SHQ1: variants seen among roughly 807,000 people sequenced by gnomAD.
SHQ1 encodes SHQ1, H/ACA ribonucleoprotein assembly factor, also known as protein SHQ1 homolog.
Under a neutral mutation model 53.8 loss-of-function variants are expected in SHQ1, and 49 were observed. The observed-to-expected ratio is 0.91, with a 90% confidence interval of 0.72 to 1.16. The LOEUF (loss-of-function observed/expected upper bound fraction) is 1.16, where lower values mean the gene tolerates loss of function less well. Among genes scored for constraint, SHQ1 ranks in the 50% most tolerant of loss-of-function variants. SHQ1 has a pLI of 0.00. For synonymous variants in SHQ1, 243 were observed against 251.0 expected (o/e 0.97, Z 0.30); for missense variants, 738 against 683.1 (o/e 1.08, Z -0.90).
chr3:72,841,823 C>A (rs962257308), intron 3 of SHQ1, among the ~76,000 whole-genome samples: 3 of 152,202 alleles, frequency 2.0e-5, no homozygotes, highest in African/African-American at 7.2e-5. Context: ...GCACAGTTCA[C>A]AGTAAGTTCA....
chr3:72,737,484 A>G, the SHQ1 span, among the ~76,000 whole-genome samples: 1 of 152,016 alleles, frequency 6.6e-6, no homozygotes, highest in African/African-American at 2.4e-5. Context: ...AAGAAAAAGA[A>G]GATTTTTACA....
chr3:72,778,753 C>G (rs1393676828), intron 10 of SHQ1, among the ~76,000 whole-genome samples: 2 of 152,056 alleles, frequency 1.3e-5, no homozygotes, highest in Non-Finnish European at 1.5e-5. Flanking sequence ...GGCCATTATC[C>G]AGAATTATGA....
At chr3:72,844,523 A>G in intron 1 of SHQ1, 100 bp from the exon 2 acceptor site, 1 of 894,190 alleles carries the variant, frequency 1.1e-6, no homozygotes. Context: ...TATATCAATC[A>G]TTTTTTAAGA....
chr3:72,731,451 C>T, the SHQ1 span, among the ~76,000 whole-genome samples: 5 of 151,258 alleles, frequency 3.3e-5, no homozygotes, highest in South Asian at 2.1e-4. Context: ...TTTGGGAGGC[C>T]GAGACAGATG....
intron 5 of SHQ1, among the ~76,000 whole-genome samples, chr3:72,829,567 T>G (rs988931586): frequency 1.3e-5 from 2 of 152,250 alleles, no homozygotes; most frequent in Non-Finnish European, 2.9e-5. Context: ...TCTCAAGTTC[T>G]GTGTTTTGAA....
intron 10 of SHQ1, chr3:72,753,307 T>G (rs1705429355): frequency 2.0e-6 from 2 of 985,430 alleles, no homozygotes; most frequent in East Asian, 1.1e-4. Flanking sequence ...AAAAGTATAG[T>G]CCATCCCATA....
chr3:72,848,423 C>G lies in SHQ1; in HGVS notation c.-83G>C. ...CACGCAAACTCTCCAACTCCCCACG[C>G]GCAGGAACTCTCGGTGTGAGGGACG... On this transcript the variant is annotated 5_prime_UTR_variant, in exon 1 of 11. Transcript: ENST00000325599. The G allele has an allele frequency of 1.9e-6, 3 of 1,563,746 alleles. No homozygotes were observed. Among genetic ancestry groups the G allele is most frequent in the African/African-American group, 1.4e-5 (1 of 73,280 alleles).
intron 10 of SHQ1, among the ~76,000 whole-genome samples, chr3:72,778,403 C>T (rs186388889): frequency 7.4e-4 from 113 of 151,748 alleles, no homozygotes; most frequent in Admixed American, 2.0e-3. Flanking sequence ...GACCTATGAT[C>T]ATATCACTGC....
intron 5 of SHQ1, among the ~76,000 whole-genome samples, chr3:72,825,361 TACAC>T (rs61048915): frequency 0.017 from 2,436 of 141,836 alleles, 45 homozygotes; most frequent in African/African-American, 0.046. Flanking sequence ...TAAAAGGGGC[TACAC>T]ACACACACAC....
At chr3:72,772,804 G>A in intron 10 of SHQ1, 1 of 765,598 alleles carries the variant, frequency 1.3e-6, no homozygotes, top group East Asian at 2.4e-5. Flanking sequence ...AGTGCCTTTG[G>A]ATGCAACTGA....
downstream of SHQ1, among the ~76,000 whole-genome samples, chr3:72,748,889 A>T (rs142977745): frequency 5.2e-3 from 787 of 152,012 alleles, 8 homozygotes; most frequent in African/African-American, 0.017. Context: ...TGGGAGGGTG[A>T]GGCTGCAGCA....
chr3:72,807,994 A>G (rs1239860189), intron 9 of SHQ1, among the ~76,000 whole-genome samples: 2 of 152,350 alleles, frequency 1.3e-5, no homozygotes, highest in East Asian at 3.9e-4. Context: ...ATCAGACTTC[A>G]CATGTTATTA....
the SHQ1 span, among the ~76,000 whole-genome samples, chr3:72,734,178 T>C: frequency 3.3e-5 from 5 of 151,250 alleles, no homozygotes; most frequent in Non-Finnish European, 7.4e-5. Context: ...AAAAAAGATA[T>C]CAGGCCTGTA....
intron 10 of SHQ1, among the ~76,000 whole-genome samples, chr3:72,768,746 A>C (rs1309799460): frequency 6.6e-6 from 1 of 152,206 alleles, no homozygotes; most frequent in Non-Finnish European, 1.5e-5. Context: ...TCTGCTTTAT[A>C]AGCAGCCTAT....
chr3:72,847,948 C>A (rs994150007), intron 1 of SHQ1, among the ~76,000 whole-genome samples: 1 of 152,082 alleles, frequency 6.6e-6, no homozygotes, highest in Non-Finnish European at 1.5e-5. Flanking sequence ...ACGGTCCAAA[C>A]GTCACTTTTT....
At chr3:72,783,651 T>C (rs1706140151) in intron 10 of SHQ1, among the ~76,000 whole-genome samples, 1 of 152,218 alleles carries the variant, frequency 6.6e-6, no homozygotes, top group Non-Finnish European at 1.5e-5. Context: ...ATCATAATCA[T>C]GATGTCCATG....
At chr3:72,784,499 G>A (rs1706167873) in intron 10 of SHQ1, among the ~76,000 whole-genome samples, 1 of 152,088 alleles carries the variant, frequency 6.6e-6, no homozygotes, top group Non-Finnish European at 1.5e-5. Flanking sequence ...TTTTCTTATG[G>A]AGATAAAAAC....
At chr3:72,796,426 C>T (rs771962042) in intron 9 of SHQ1, among the ~76,000 whole-genome samples, 6 of 152,176 alleles carry the variant, frequency 3.9e-5, no homozygotes, top group Non-Finnish European at 7.3e-5. Context: ...GCTTCACTTA[C>T]CAGACATGCC....
chr3:72,825,007 C>A (rs937567794), intron 5 of SHQ1, among the ~76,000 whole-genome samples: 2 of 151,940 alleles, frequency 1.3e-5, no homozygotes, highest in Non-Finnish European at 2.9e-5. Flanking sequence ...TGCTTCCTTG[C>A]CCAGACAGGT....
Sources: allele counts gnomAD v4.1 joint callset (sites outside exome capture counted in the v4.1 genomes callset), GRCh38; gene constraint gnomAD v4.1.1; transcripts MANE v1.5; gene names NCBI Gene and HGNC (gene_info 2026-07-23, HGNC 2026-07-21).